Variants in TNIP1 observed in about 807,000 individuals in gnomAD.
TNIP1 encodes the protein TNFAIP3 interacting protein 1, also known as TNFAIP3-interacting protein 1.
A neutral mutation model predicts 86.6 loss-of-function variants in TNIP1; 22 were observed. That is an observed-to-expected ratio of 0.25 (90% CI 0.18 to 0.36). TNIP1 has a LOEUF of 0.36. Among genes scored for constraint, TNIP1 ranks in the 10% least tolerant of loss-of-function variants. The probability of loss-of-function intolerance (pLI) is 1.00; values close to 1 mark genes in which losing one functional copy is unlikely to be tolerated. For missense variants in TNIP1, 709 were observed against 820.6 expected, an observed-to-expected ratio of 0.86 and a Z score of 1.66; for synonymous variants, 294 against 313.0, an observed-to-expected ratio of 0.94 and a Z score of 0.64.
intron 9 of TNIP1, 58 bp from the exon 10 acceptor site, chr5:151,043,019 T>C: frequency 1.3e-6 from 2 of 1,578,518 alleles, no homozygotes; most frequent in Non-Finnish European, 1.7e-6. Context: ...AGGAGAGCCA[T>C]CTCCTGCCCC....
intron 7 of TNIP1, among the ~76,000 whole-genome samples, 154 bp downstream of exon 7, chr5:151,052,011 C>A (rs1296657165): frequency 1.3e-5 from 2 of 152,152 alleles, no homozygotes; most frequent in African/African-American, 2.4e-5. Flanking sequence ...ACCAAAAGAG[C>A]CAAGGAGAAG....
At chr5:151,070,444 A>G (rs1762707464) in intron 1 of TNIP1, among the ~76,000 whole-genome samples, 1 of 152,218 alleles carries the variant, frequency 6.6e-6, no homozygotes, top group Admixed American at 6.5e-5. Flanking sequence ...CTCTTCCGTC[A>G]GCTCAGTAAG....
chr5:151,075,425 G>C (rs1447873882), intron 1 of TNIP1, among the ~76,000 whole-genome samples: 1 of 152,046 alleles, frequency 6.6e-6, no homozygotes, highest in Non-Finnish European at 1.5e-5. Flanking sequence ...GCGTGATTTG[G>C]GTAGGGGTGA....
intron 1 of TNIP1, among the ~76,000 whole-genome samples, chr5:151,065,486 C>G (rs1053351442): frequency 1.3e-5 from 2 of 152,054 alleles, no homozygotes; most frequent in African/African-American, 4.8e-5. Flanking sequence ...AACAGGAATC[C>G]CATATGTTTT....
chr5:151,077,719 C>A (rs141257034), intron 1 of TNIP1, among the ~76,000 whole-genome samples: 4 of 152,336 alleles, frequency 2.6e-5, no homozygotes, highest in African/African-American at 7.2e-5. Context: ...TGCAGCCCAG[C>A]AATCTGTGTT....
chr5:151,034,761 G>C lies in TNIP1; in HGVS notation c.1587+241C>G. The C allele has an allele frequency of 5.8e-6, 3 of 516,340 alleles. No homozygotes were observed. In the South Asian group the frequency reaches 6.2e-5, roughly 11 times the overall value. 32.0% of individuals were successfully genotyped at this position (516,340 alleles called of 1,614,324 possible). A position where few individuals can be genotyped will look rare whatever the true frequency, so the allele number is the denominator to read the frequency against. On this transcript the variant is annotated intron_variant, in intron 15 of 17. Coordinates refer to ENST00000521591, the MANE Select transcript of TNIP1 (RefSeq NM_006058.5). The stretch of plus-strand genomic sequence containing the variant: ...GGAAGGCTCATACACGGCCAAAGAA[G>C]GCTAGTCACATGGGCACGGAAGGTT...
At chr5:151,035,232 C>T (rs570714928) in intron 14 of TNIP1, among the ~76,000 whole-genome samples, 165 bp from the exon 15 acceptor site, 49 of 152,334 alleles carry the variant, frequency 3.2e-4, no homozygotes, top group African/African-American at 1.1e-3. Context: ...GAGCACAGCC[C>T]AGGCTGTTGC....
At chr5:151,084,444 CAAAA>C (rs56889305), upstream of TNIP1, among the ~76,000 whole-genome samples, 1 of 132,464 alleles carries the variant, frequency 7.5e-6, no homozygotes. Context: ...GACTTCGTCT[CAAAA>C]AAAAAAAAAA....
chr5:151,037,040 ACCAGT>A (rs1710755781), intron 12 of TNIP1, 119 bp from the exon 13 acceptor site: 1 of 1,265,934 alleles, frequency 7.9e-7, no homozygotes, highest in South Asian at 1.6e-5. Context: ...AGCCACCACT[ACCAGT>A]CCTATTTAAT....
intron 1 of TNIP1, among the ~76,000 whole-genome samples, chr5:151,071,732 A>G (rs906575439): frequency 2.0e-5 from 3 of 152,026 alleles, no homozygotes; most frequent in Non-Finnish European, 4.4e-5. Context: ...GCCAAGCCTG[A>G]TCTGTGTTCC....
At chr5:151,059,828 A>AGAGAGAGAGAGAGTGTGT (rs1554076446) in intron 5 of TNIP1, among the ~76,000 whole-genome samples, 6 of 56,394 alleles carry the variant, frequency 1.1e-4, no homozygotes, top group South Asian at 6.8e-4. Context: ...AGAGAGAGAG[A>AGAGAGAGAGAGAGTGTGT]GTGTGTGTGT....
At chr5:151,037,109 G>T in intron 12 of TNIP1, 188 bp from the exon 13 acceptor site, 1 of 640,490 alleles carries the variant, frequency 1.6e-6, no homozygotes, top group Non-Finnish European at 2.4e-6. Context: ...TGGATCTTCT[G>T]CACAGTGCCA....
chr5:151,041,958 T>C (rs920758212), intron 11 of TNIP1, among the ~76,000 whole-genome samples: 1 of 150,862 alleles, frequency 6.6e-6, no homozygotes, highest in African/African-American at 2.4e-5. Flanking sequence ...TTTTTTTTTT[T>C]AGCAAGAGTT....
intron 2 of TNIP1, among the ~76,000 whole-genome samples, chr5:151,064,366 A>C (rs887497932): frequency 1.6e-4 from 25 of 152,218 alleles, no homozygotes; most frequent in Non-Finnish European, 2.6e-4. Context: ...GTGTGGAAGA[A>C]AGAGAGCCCC....
chr5:151,054,928 G>A (rs1760452305), intron 6 of TNIP1, among the ~76,000 whole-genome samples: 1 of 152,178 alleles, frequency 6.6e-6, no homozygotes, highest in Non-Finnish European at 1.5e-5. Context: ...CTAAGGGAAG[G>A]CCAGGACAAG....
At chr5:151,076,322 G>A (rs1763391014) in intron 1 of TNIP1, among the ~76,000 whole-genome samples, 1 of 152,174 alleles carries the variant, frequency 6.6e-6, no homozygotes, top group Admixed American at 6.5e-5. Context: ...AGGGATAGGA[G>A]GGGCAGGCAC....
chr5:151,042,460 C>T, intron 11 of TNIP1, 80 bp downstream of exon 11: 1 of 1,559,030 alleles, frequency 6.4e-7, no homozygotes, highest in Non-Finnish European at 8.7e-7. Context: ...CTGACTCCTG[C>T]CCCTGGCTTG....
At chr5:151,037,119 A>G (rs2113320671) in intron 12 of TNIP1, 198 bp from the exon 13 acceptor site, 1 of 588,564 alleles carries the variant, frequency 1.7e-6, no homozygotes, top group East Asian at 4.1e-5. Context: ...GCACAGTGCC[A>G]TGAAGAAAAG....
Position 151,043,057 on chromosome 5 carries a change from C to T in TNIP1, c.937-96G>A, listed in dbSNP as rs573951847. On this transcript the variant is annotated intron_variant, in intron 9 of 17. Transcript: ENST00000521591. ...GTACACCAGCGTCCCAAGGTGTGCT[C>T]GGTGTGTGTGAATAGTGGCTACAGA... is the stretch of plus-strand genomic sequence containing the variant. The T allele has an allele frequency of 4.0e-4, 512 of 1,280,932 alleles. 1 individual carries two copies. Among genetic ancestry groups the T allele is most frequent in the Non-Finnish European group, 5.0e-4 (446 of 883,918 alleles). 79.3% of individuals were successfully genotyped at this position (1,280,932 alleles called of 1,614,324 possible). A position where few individuals can be genotyped will look rare whatever the true frequency, so the allele number is the denominator to read the frequency against.
Sources: allele counts gnomAD v4.1 joint callset (sites outside exome capture counted in the v4.1 genomes callset), GRCh38; gene constraint gnomAD v4.1.1; transcripts MANE v1.5; gene names NCBI Gene and HGNC (gene_info 2026-07-23, HGNC 2026-07-21).